Variants in LRP1B observed in about 807,000 individuals in gnomAD.
The protein encoded by LRP1B is LDL receptor related protein 1B.
In LRP1B, 217 loss-of-function variants were observed where a neutral mutation model predicts 556.6. The ratio of observed to expected loss-of-function variants is 0.39; its 90% CI spans 0.35 to 0.44. The LOEUF (loss-of-function observed/expected upper bound fraction) is 0.44, where lower values mean the gene tolerates loss of function less well. Among genes scored for constraint, LRP1B ranks in the 20% least tolerant of loss-of-function variants. The pLI is 1.00. For missense variants in LRP1B, 5,053 were observed against 5,620.8 expected, an observed-to-expected ratio of 0.90 and a Z score of 3.23; for synonymous variants, 2,047 against 1,865.8, an observed-to-expected ratio of 1.10 and a Z score of -2.50.
chr2:140,331,433 AG>A (rs1243976742), intron 79 of LRP1B, among the ~76,000 whole-genome samples: 2 of 152,032 alleles, frequency 1.3e-5, no homozygotes, highest in Non-Finnish European at 2.9e-5. Flanking sequence ...TGTCATTTGA[AG>A]GCACATATTC....
chr2:142,089,532 G>A (rs909314785), intron 1 of LRP1B, among the ~76,000 whole-genome samples: 7 of 152,162 alleles, frequency 4.6e-5, no homozygotes, highest in African/African-American at 1.7e-4. Context: ...AACACAAACA[G>A]GCCAGGTCTT....
chr2:141,156,869 C>T (rs1307287596), intron 7 of LRP1B, among the ~76,000 whole-genome samples: 1 of 152,042 alleles, frequency 6.6e-6, no homozygotes, highest in African/African-American at 2.4e-5. Context: ...AGCAGAGTCA[C>T]AATGAATTAA....
At chr2:141,659,172 A>G (rs1690121311) in intron 2 of LRP1B, among the ~76,000 whole-genome samples, 1 of 152,130 alleles carries the variant, frequency 6.6e-6, no homozygotes, top group African/African-American at 2.4e-5. Context: ...CCAAAGTGCT[A>G]AAATTACAGC....
intron 11 of LRP1B, among the ~76,000 whole-genome samples, chr2:141,033,289 G>A (rs567125925): frequency 6.6e-6 from 1 of 152,072 alleles, no homozygotes; most frequent in South Asian, 2.1e-4. Context: ...GCAGTCAGAT[G>A]CCAGATCATT....
intron 1 of LRP1B, among the ~76,000 whole-genome samples, chr2:141,822,381 T>C (rs923457315): frequency 6.6e-6 from 1 of 152,202 alleles, no homozygotes; most frequent in Admixed American, 6.5e-5. Context: ...AGTTATTTCA[T>C]ATACTACCAT....
intron 77 of LRP1B, among the ~76,000 whole-genome samples, chr2:140,348,350 T>C (rs1193281554): frequency 6.6e-6 from 1 of 152,084 alleles, no homozygotes; most frequent in Non-Finnish European, 1.5e-5. Context: ...CTCTAAAGTA[T>C]TTTTTAAAAT....
intron 83 of LRP1B, among the ~76,000 whole-genome samples, chr2:140,302,569 T>C (rs919940666): frequency 1.4e-4 from 21 of 152,292 alleles, no homozygotes; most frequent in African/African-American, 4.6e-4. Flanking sequence ...AAAATATTAC[T>C]TCTGAGTGTG....
chr2:141,037,806 A>C (rs899999320), intron 11 of LRP1B, among the ~76,000 whole-genome samples: 2 of 151,924 alleles, frequency 1.3e-5, no homozygotes, highest in Admixed American at 1.3e-4. Flanking sequence ...AGGAAATGAA[A>C]TTAGAAAGAT....
intron 1 of LRP1B, among the ~76,000 whole-genome samples, chr2:141,920,327 T>C (rs1024561285): frequency 6.6e-6 from 1 of 151,016 alleles, no homozygotes; most frequent in Non-Finnish European, 1.5e-5. Context: ...TTAATAACAG[T>C]CATTAATGTC....
In LRP1B at chr2:140,743,854, C is replaced by G. The variant is rs371038252; in HGVS notation, c.5758+25359G>C. 2.7e-5 allele frequency among the ~76,000 whole-genome samples: 4 copies of G among 148,852 alleles called. No homozygotes were observed. In the East Asian group the frequency reaches 6.1e-4, roughly 23 times the overall value. On this transcript the variant is annotated intron_variant, in intron 35 of 90. Transcript: ENST00000389484. ...GGGTGCCTGTAGTCACCCGCTGTAA[C>G]TACTCGGGAGGCTGAGGTAGTAGAA...
At chr2:141,131,407 T>TTATATATA (rs67661603) in intron 7 of LRP1B, among the ~76,000 whole-genome samples, 4,365 of 110,652 alleles carry the variant, frequency 0.039, 352 homozygotes, top group African/African-American at 0.13. Flanking sequence ...ATGCATAAAG[T>TTATATATA]TATATATATA....
intron 6 of LRP1B, among the ~76,000 whole-genome samples, chr2:141,189,836 C>T (rs17838572): frequency 0.079 from 11,963 of 151,834 alleles, 611 homozygotes; most frequent in East Asian, 0.16. Context: ...AAATATATGC[C>T]GCTTTGAACT....
intron 32 of LRP1B, among the ~76,000 whole-genome samples, chr2:140,788,363 A>G (rs1298062051): frequency 6.6e-6 from 1 of 152,170 alleles, no homozygotes; most frequent in Non-Finnish European, 1.5e-5. Context: ...GATTTGCACA[A>G]CTTTTCTATA....
intron 2 of LRP1B, among the ~76,000 whole-genome samples, chr2:141,634,325 C>G (rs1689021886): frequency 6.6e-6 from 1 of 151,706 alleles, no homozygotes; most frequent in Non-Finnish European, 1.5e-5. Flanking sequence ...AAAACCAAAG[C>G]TATAAAAACT....
intron 67 of LRP1B, among the ~76,000 whole-genome samples, chr2:140,380,100 T>C (rs952212280): frequency 5.9e-5 from 9 of 152,174 alleles, no homozygotes; most frequent in African/African-American, 2.2e-4. Flanking sequence ...CCAGTGAATT[T>C]TTGTAACAAC....
chr2:140,697,878 T>C (rs1198423948), intron 41 of LRP1B, among the ~76,000 whole-genome samples: 1 of 152,000 alleles, frequency 6.6e-6, no homozygotes, highest in Non-Finnish European at 1.5e-5. Context: ...ATACTGGAAA[T>C]GTAATAAAAG....
chr2:141,688,205 TAC>T (rs773794577), intron 2 of LRP1B, among the ~76,000 whole-genome samples: 88 of 149,800 alleles, frequency 5.9e-4, no homozygotes, highest in South Asian at 4.6e-3. Context: ...CATATAAATA[TAC>T]ACACACACAC....
chr2:140,499,923 C>A (rs1008911622), intron 55 of LRP1B, among the ~76,000 whole-genome samples: 1 of 151,816 alleles, frequency 6.6e-6, no homozygotes, highest in Non-Finnish European at 1.5e-5. Context: ...TAGTTACCTG[C>A]AATCATTCTA....
At chr2:140,429,310 A>T (rs1573928443) in intron 66 of LRP1B, among the ~76,000 whole-genome samples, 1 of 151,928 alleles carries the variant, frequency 6.6e-6, no homozygotes, top group Admixed American at 6.6e-5. Context: ...TTGCCTATCC[A>T]CCCCATAGTG....
Sources: allele counts gnomAD v4.1 joint callset (sites outside exome capture counted in the v4.1 genomes callset), GRCh38; gene constraint gnomAD v4.1.1; transcripts MANE v1.5; gene names NCBI Gene and HGNC (gene_info 2026-07-23, HGNC 2026-07-21).